Variants in SMG6 observed in about 807,000 individuals in gnomAD.
SMG6 encodes SMG6 nonsense mediated mRNA decay factor.
In SMG6, 66 loss-of-function variants were observed where a neutral mutation model predicts 142.2. The observed-to-expected ratio is 0.46, with a 90% CI of 0.38 to 0.57. The LOEUF (loss-of-function observed/expected upper bound fraction) is 0.57. SMG6 is among the 20% of genes least tolerant of loss of function. The probability of loss-of-function intolerance (pLI) is 0.00; values close to 1 mark genes in which losing one functional copy is unlikely to be tolerated. For missense variants in SMG6, 1,793 were observed against 1,832.0 expected, an observed-to-expected ratio of 0.98 and a Z score of 0.39; for synonymous variants, 779 against 702.4, an observed-to-expected ratio of 1.11 and a Z score of -1.72.
At chr17:2,182,623 T>A (rs372021183) in intron 12 of SMG6, among the ~76,000 whole-genome samples, 1 of 152,276 alleles carries the variant, frequency 6.6e-6, no homozygotes, top group East Asian at 1.9e-4. Flanking sequence ...AGGTTACCCA[T>A]GAGTCTAGGA....
Position 2,103,642 on chromosome 17 carries a change from G to A in SMG6, c.3358-17741C>T, listed in dbSNP as rs2069072636. 1.3e-5 allele frequency among the ~76,000 whole-genome samples: 2 copies of A among 152,288 alleles called. 1 individual carries two copies. Among genetic ancestry groups the A allele is most frequent in the South Asian group, 4.2e-4 (2 of 4,818 alleles). On this transcript the variant is annotated intron_variant, in intron 13 of 18. Coordinates refer to ENST00000263073, the MANE Select transcript of SMG6 (RefSeq NM_017575.5). ...GGCCTCACTGAGCTTGCTCCAGCAG[G>A]CAGTGGGGAACGGCTGGCTCTCGCC...
intron 13 of SMG6, among the ~76,000 whole-genome samples, chr17:2,112,697 T>C (rs974882903): frequency 2.6e-5 from 4 of 151,082 alleles, no homozygotes; most frequent in South Asian, 2.1e-4. Flanking sequence ...CTGCATACTT[T>C]AGCTATATTA....
At chr17:2,080,633 CTTTTTTCTTTTTTT>C (rs988866670) in intron 15 of SMG6, among the ~76,000 whole-genome samples, 3 of 151,398 alleles carry the variant, frequency 2.0e-5, no homozygotes, top group African/African-American at 7.3e-5. Flanking sequence ...GCACTTTTTT[CTTTTTTCTTTTTTT>C]TTTTTTGAGA....
At chr17:2,162,650 C>G (rs2071218571) in intron 13 of SMG6, among the ~76,000 whole-genome samples, 1 of 151,742 alleles carries the variant, frequency 6.6e-6, no homozygotes, top group Non-Finnish European at 1.5e-5. Flanking sequence ...AGGAACACAG[C>G]TGAGATCCTG....
At chr17:2,164,354 C>A (rs910451006) in intron 13 of SMG6, among the ~76,000 whole-genome samples, 5 of 151,712 alleles carry the variant, frequency 3.3e-5, no homozygotes, top group Non-Finnish European at 1.5e-5. Flanking sequence ...ACCCGGGAGA[C>A]AGAGGTTGCA....
At chr17:2,161,480 C>T (rs1224411457) in intron 13 of SMG6, among the ~76,000 whole-genome samples, 11 of 151,536 alleles carry the variant, frequency 7.3e-5, no homozygotes, top group South Asian at 6.2e-4. Context: ...GGTGCGACCT[C>T]GGCTCACTAA....
At chr17:2,223,913 C>T (rs2073245825) in intron 10 of SMG6, among the ~76,000 whole-genome samples, 1 of 151,780 alleles carries the variant, frequency 6.6e-6, no homozygotes, top group African/African-American at 2.4e-5. Flanking sequence ...ATGGGCATCA[C>T]AGGCAGAGCA....
chr17:2,184,657 CAAAAAAAAAAA>C (rs150364302), intron 12 of SMG6, among the ~76,000 whole-genome samples: 6 of 52,798 alleles, frequency 1.1e-4, no homozygotes, highest in Non-Finnish European at 1.7e-4. Context: ...AACTCCGTCT[CAAAAAAAAAAA>C]AAAAAAAAAA....
chr17:2,147,402 G>C (rs2070701845), intron 13 of SMG6, among the ~76,000 whole-genome samples: 1 of 151,968 alleles, frequency 6.6e-6, no homozygotes, highest in African/African-American at 2.4e-5. Flanking sequence ...CAAAAAAACA[G>C]CTATAGGTTA....
chr17:2,081,916 T>G lies in SMG6; in HGVS notation c.3575A>C (p.Glu1192Ala), dbSNP rs149746777. Reference protein sequence around the residue: ...VVIEDFEEDSEAEGSGGEDDI... With the variant: ...VVIEDFEEDSAAEGSGGEDDI... ...ATCCTCGCCTCCGCTGCCTTCAGCCTCTGAATCTTCCTCAAAGTCTTCAAT... is the reference window on the plus strand; with the variant it reads ...ATCCTCGCCTCCGCTGCCTTCAGCCGCTGAATCTTCCTCAAAGTCTTCAAT... The change falls in exon 15 of 19, where the codon GAG becomes GCG. Residue 1192 changes from glutamate (E) to alanine (A), a missense_variant. Physicochemically the swap from Glu to Ala is moderately radical, Grantham distance 107 (BLOSUM62 -1). Around this residue, in one of 3 missense-constraint regions of SMG6, gnomAD observed 1,597 missense variants for 1,584.6 expected, o/e 1.01. Coordinates refer to ENST00000263073, the MANE Select transcript of SMG6 (RefSeq NM_017575.5). 2.4e-4 allele frequency: 395 copies of G among 1,614,180 alleles called. No individual in the cohort carries two copies. In the African/African-American group the frequency reaches 3.8e-3, roughly 16 times the overall value.
At chr17:2,113,600 T>C (rs1310442190) in intron 13 of SMG6, among the ~76,000 whole-genome samples, 4 of 152,214 alleles carry the variant, frequency 2.6e-5, no homozygotes, top group Admixed American at 6.5e-5. Context: ...GTGAGCTATA[T>C]GGCATTCTTA....
chr17:2,295,395 T>G (rs1243828096), intron 4 of SMG6, among the ~76,000 whole-genome samples: 3 of 152,198 alleles, frequency 2.0e-5, no homozygotes, highest in Non-Finnish European at 4.4e-5. Context: ...CTTAGAACCC[T>G]ATGTTCTTTT....
rs2067734012 is a variant in SMG6, at chr17:2,060,232, C to G, written c.*1260G>C. The G allele has an allele frequency of 6.6e-6, 1 of 152,396 alleles. No individual in the cohort carries two copies. Among genetic ancestry groups the G allele is most frequent in the South Asian group, 2.1e-4 (1 of 4,836 alleles). 9.4% of individuals were successfully genotyped at this position (152,396 alleles called of 1,614,324 possible). ...AAACCCCGTCTTCCCCTAAGTTGTCCTTGTCTCTGGCCCTGGGTTTCAGGA... is the reference window on the plus strand; with the variant it reads ...AAACCCCGTCTTCCCCTAAGTTGTCGTTGTCTCTGGCCCTGGGTTTCAGGA... On this transcript the variant is annotated 3_prime_UTR_variant, in exon 19 of 19. Transcript: ENST00000263073.
intron 13 of SMG6, among the ~76,000 whole-genome samples, chr17:2,112,527 AT>A (rs1228247636): frequency 0.021 from 126 of 5,940 alleles, no homozygotes; most frequent in African/African-American, 0.16. Context: ...AAAATAAAAA[AT>A]AAATAAATAA....
At chr17:2,172,568 C>A in intron 13 of SMG6, 90 bp downstream of exon 13, 1 of 1,349,626 alleles carries the variant, frequency 7.4e-7, no homozygotes, top group Non-Finnish European at 1.1e-6. Context: ...TAATCATGTT[C>A]CATTTGCACA....
chr17:2,303,529 G>C, intron 1 of SMG6, 104 bp downstream of exon 1: 3 of 1,339,094 alleles, frequency 2.2e-6, no homozygotes, highest in Non-Finnish European at 2.9e-6. Flanking sequence ...TGGGGGAAGG[G>C]GCGGGGGCTC....
At chr17:2,088,158 C>A in intron 13 of SMG6, 1 of 985,428 alleles carries the variant, frequency 1.0e-6, no homozygotes, top group African/African-American at 1.7e-5. Context: ...CAGGAGTGTG[C>A]CACGGACACA....
chr17:2,275,381 C>T (rs1473504885), intron 8 of SMG6, among the ~76,000 whole-genome samples: 6 of 152,118 alleles, frequency 3.9e-5, no homozygotes, highest in East Asian at 3.9e-4. Context: ...GAGATCACGC[C>T]GCTGCACTCC....
chr17:2,066,352 G>A lies in SMG6; in HGVS notation c.3836-673C>T, dbSNP rs114361345. 2.0e-3 allele frequency among the ~76,000 whole-genome samples: 290 copies of A among 146,702 alleles called. 1 individual carries two copies. The highest frequency in any genetic ancestry group is 7.2e-3 in the African/African-American group (279 of 38,868). On this transcript the variant is annotated intron_variant, in intron 16 of 18. Coordinates refer to ENST00000263073, the MANE Select transcript of SMG6 (RefSeq NM_017575.5). ...TGTGTATGTGTATGCGTGTATGTGTGTACATGTGTGTATATGTCTCTGTGT... is the reference window on the plus strand; with the variant it reads ...TGTGTATGTGTATGCGTGTATGTGTATACATGTGTGTATATGTCTCTGTGT...
Sources: gnomAD v4.1 joint callset for allele counts (sites outside exome capture counted in the v4.1 genomes callset) on GRCh38, gnomAD v4.1.1 for gene constraint, gnomAD v4.1.1 regional missense constraint, MANE v1.5 for transcripts, NCBI Gene and HGNC (gene_info 2026-07-23, HGNC 2026-07-21) for gene names.